SNRPN: variants seen among roughly 807,000 people sequenced by gnomAD.
SNRPN encodes small nuclear ribonucleoprotein polypeptide N, also known as small nuclear ribonucleoprotein-associated protein N.
In SNRPN, 7 loss-of-function variants were observed where a neutral mutation model predicts 25.2. The ratio of observed to expected loss-of-function variants is 0.28; its 90% CI spans 0.16 to 0.52. The LOEUF is 0.52. Among genes scored for constraint, SNRPN ranks in the 20% least tolerant of loss-of-function variants. The probability of loss-of-function intolerance (pLI) is 0.96; values close to 1 mark genes in which losing one functional copy is unlikely to be tolerated. For synonymous variants in SNRPN, 124 were observed against 110.6 expected (o/e 1.12, Z -0.76); for missense variants, 196 against 322.5 (o/e 0.61, Z 3.00).
upstream of SNRPN, among the ~76,000 whole-genome samples, chr15:24,855,776 A>G (rs921277109): frequency 3.0e-5 from 4 of 132,910 alleles, no homozygotes; most frequent in Admixed American, 3.6e-4. Context: ...TGGGCAACAG[A>G]GCGAGAATCT....
chr15:24,955,872 G>A (rs926591014), intron 1 of SNRPN, among the ~76,000 whole-genome samples: 12 of 151,902 alleles, frequency 7.9e-5, no homozygotes, highest in African/African-American at 1.2e-4. Context: ...CATGGCGGCC[G>A]CGGGGCCTGT....
At chr15:24,853,308 A>G (rs985171240), upstream of SNRPN, among the ~76,000 whole-genome samples, 8 of 152,084 alleles carry the variant, frequency 5.3e-5, no homozygotes, top group Non-Finnish European at 8.8e-5. Flanking sequence ...TTTAGATGTC[A>G]TTCCTCTTTA....
At chr15:24,938,328 A>G (rs1039326981) in intron 3 of SNRPN, among the ~76,000 whole-genome samples, 1 of 152,222 alleles carries the variant, frequency 6.6e-6, no homozygotes, top group Non-Finnish European at 1.5e-5. Context: ...GGGTTTCACC[A>G]TGTTGGCCAG....
intron 1 of SNRPN, among the ~76,000 whole-genome samples, chr15:24,870,711 G>A (rs76663258): frequency 0.014 from 2,171 of 151,880 alleles, 49 homozygotes; most frequent in African/African-American, 0.037. Context: ...TCTTTCCCCC[G>A]CCTCCCAGCT....
chr15:24,859,089 G>A (rs2053738343), intron 1 of SNRPN, among the ~76,000 whole-genome samples: 1 of 152,080 alleles, frequency 6.6e-6, no homozygotes, highest in African/African-American at 2.4e-5. Flanking sequence ...GATTAGTTCA[G>A]ACTGTGCGAC....
At chr15:24,920,100 A>G (rs1348818122) in exon 3 of SNRPN, 2 of 152,142 alleles carry the variant, frequency 1.3e-5, no homozygotes, top group Admixed American at 1.3e-4. Context: ...CCCTTTTACC[A>G]GTGGCTGAAT....
chr15:24,867,211 T>C (rs1263452923), intron 1 of SNRPN, among the ~76,000 whole-genome samples: 1 of 152,140 alleles, frequency 6.6e-6, no homozygotes, highest in Non-Finnish European at 1.5e-5. Context: ...CTATACTTTT[T>C]TCGATAATGG....
At chr15:24,890,207 C>T (rs917029407) in intron 2 of SNRPN, among the ~76,000 whole-genome samples, 1 of 152,042 alleles carries the variant, frequency 6.6e-6, no homozygotes, top group African/African-American at 2.4e-5. Flanking sequence ...AATTATCTGC[C>T]CTACCTGTCC....
intron 3 of SNRPN, among the ~76,000 whole-genome samples, chr15:24,937,824 C>T (rs909167621): frequency 3.9e-5 from 6 of 152,114 alleles, no homozygotes; most frequent in Admixed American, 3.3e-4. Context: ...GTCTCCATGA[C>T]ATTTGATTAG....
intron 2 of SNRPN, among the ~76,000 whole-genome samples, chr15:24,902,239 T>G (rs2058505151): frequency 1.3e-5 from 2 of 152,190 alleles, no homozygotes; most frequent in African/African-American, 4.8e-5. Flanking sequence ...GACAAACAGA[T>G]AAGCAACTAA....
chr15:24,908,052 C>CAAAAAAAAA (rs71127014), intron 2 of SNRPN, among the ~76,000 whole-genome samples: 3 of 70,706 alleles, frequency 4.2e-5, no homozygotes, highest in Non-Finnish European at 5.0e-5. Flanking sequence ...GACTCCATCT[C>CAAAAAAAAA]AAAAAAAAAA....
intron 2 of SNRPN, among the ~76,000 whole-genome samples, chr15:24,916,875 C>T (rs1017323435): frequency 3.3e-5 from 5 of 152,214 alleles, no homozygotes; most frequent in East Asian, 1.9e-4. Flanking sequence ...AGGAGTGAGC[C>T]GCAGCAAGAT....
At chr15:24,953,229 G>C (rs1566946112), upstream of SNRPN, among the ~76,000 whole-genome samples, 1 of 152,206 alleles carries the variant, frequency 6.6e-6, no homozygotes, top group Non-Finnish European at 1.5e-5. Context: ...AATCAAAAGA[G>C]CCTGAGTCCA....
chr15:24,942,971 T>A (rs1047276930), intron 3 of SNRPN, among the ~76,000 whole-genome samples: 27 of 151,630 alleles, frequency 1.8e-4, no homozygotes, highest in Non-Finnish European at 2.9e-5. Context: ...CTATCCACTT[T>A]GTCATAAAAA....
At chr15:24,904,238 C>G (rs2058653748) in intron 2 of SNRPN, among the ~76,000 whole-genome samples, 1 of 152,164 alleles carries the variant, frequency 6.6e-6, no homozygotes, top group African/African-American at 2.4e-5. Flanking sequence ...CCCGTAACCA[C>G]TTTTAATACC....
chr15:24,827,607 G>A (rs147018451), intron 1 of SNRPN, among the ~76,000 whole-genome samples: 2,813 of 151,250 alleles, frequency 0.019, 42 homozygotes, highest in Non-Finnish European at 0.031. Context: ...AGTAGCTCAC[G>A]TCTGTAATCC....
intron 2 of SNRPN, among the ~76,000 whole-genome samples, chr15:24,967,685 G>T (rs183425416): frequency 6.6e-6 from 1 of 150,980 alleles, no homozygotes; most frequent in Non-Finnish European, 1.5e-5. Context: ...GTAGGTGCCT[G>T]TAATCCCAGC....
chr15:24,954,894 A>T (rs2062577124), upstream of SNRPN: 1 of 1,124,184 alleles, frequency 8.9e-7, no homozygotes, highest in Non-Finnish European at 1.3e-6. Context: ...CACTGCGGCA[A>T]ACAAGCACGC....
intron 2 of SNRPN, among the ~76,000 whole-genome samples, chr15:24,919,424 C>T (rs538708169): frequency 0.01 from 1,148 of 110,290 alleles, 28 homozygotes; most frequent in African/African-American, 0.037. Context: ...GAGCGAGACT[C>T]TGTCTCAAAA....
Sources: gnomAD v4.1 joint callset for allele counts (sites outside exome capture counted in the v4.1 genomes callset) on GRCh38, gnomAD v4.1.1 for gene constraint, MANE v1.5 for transcripts, NCBI Gene and HGNC (gene_info 2026-07-23, HGNC 2026-07-21) for gene names.